CIT: variants seen among roughly 807,000 people sequenced by gnomAD.
CIT encodes the protein citron Rho-interacting kinase.
A neutral mutation model predicts 272.7 loss-of-function variants in CIT; 79 were observed. The ratio of observed to expected loss-of-function variants is 0.29; its 90% CI spans 0.24 to 0.35. The LOEUF (loss-of-function observed/expected upper bound fraction) is 0.35. CIT is among the 10% of genes least tolerant of loss of function. The pLI is 1.00. For missense variants in CIT, 1,909 were observed against 2,618.3 expected, an observed-to-expected ratio of 0.73 and a Z score of 5.91; for synonymous variants, 948 against 995.6, an observed-to-expected ratio of 0.95 and a Z score of 0.90.
chr12:119,837,247 C>T (rs767202040), intron 5 of CIT, among the ~76,000 whole-genome samples: 11 of 152,158 alleles, frequency 7.2e-5, no homozygotes, highest in Non-Finnish European at 1.6e-4. Flanking sequence ...AAGATGTTAC[C>T]CATATCCCAA....
chr12:119,814,578 A>C (rs1966966979), intron 9 of CIT, among the ~76,000 whole-genome samples: 1 of 152,256 alleles, frequency 6.6e-6, no homozygotes, highest in East Asian at 1.9e-4. Context: ...GTGAGTGTCC[A>C]AAAGGAAGAC....
chr12:119,750,969 T>G (rs1253780121), intron 23 of CIT, among the ~76,000 whole-genome samples: 1 of 151,906 alleles, frequency 6.6e-6, no homozygotes, highest in African/African-American at 2.4e-5. Context: ...CCTATTTAGG[T>G]GGCTTATTAA....
intron 21 of CIT, among the ~76,000 whole-genome samples, chr12:119,758,028 G>A (rs1449066274): frequency 1.3e-5 from 2 of 152,098 alleles, no homozygotes; most frequent in East Asian, 1.9e-4. Context: ...AACCTAGAAC[G>A]ACTCAAAGAC....
intron 32 of CIT, among the ~76,000 whole-genome samples, chr12:119,715,169 C>T (rs373482419): frequency 5.9e-5 from 9 of 152,186 alleles, no homozygotes; most frequent in East Asian, 1.9e-4. Context: ...ATGCCTTTTG[C>T]CTTCCACCAT....
At chr12:119,814,533 C>A (rs1288315613) in intron 9 of CIT, among the ~76,000 whole-genome samples, 5 of 152,168 alleles carry the variant, frequency 3.3e-5, no homozygotes, top group Non-Finnish European at 7.3e-5. Context: ...ACAGACCCAA[C>A]TCCTCTTCCT....
intron 30 of CIT, among the ~76,000 whole-genome samples, chr12:119,719,982 T>C (rs1957743920): frequency 6.6e-6 from 1 of 152,194 alleles, no homozygotes; most frequent in Non-Finnish European, 1.5e-5. Context: ...AGTCAGACAC[T>C]TCAGGCAGGT....
Position 119,784,644 on chromosome 12 carries a change from G to A in CIT, c.1401+316C>T. ...GACTTCGCATCACTCAAAGCAGATG[G>A]GATGTATCTCAGCCACAGGTGAGGA... is the stretch of plus-strand genomic sequence containing the variant. On this transcript the variant is annotated intron_variant, in intron 11 of 47. Transcript: ENST00000392521. This position sits in a 1 kb window ranked among gnomAD's most constrained non-coding sequence, Gnocchi z 4.7. 7 of 1,246,720 alleles carry A rather than the reference G, an allele frequency of 5.6e-6. No individual in the cohort carries two copies. The highest frequency in any genetic ancestry group is 7.1e-6 in the Non-Finnish European group (7 of 989,770). 77.2% of individuals were successfully genotyped at this position (1,246,720 alleles called of 1,614,324 possible).
chr12:119,725,815 GA>G (rs1293954914), intron 28 of CIT, among the ~76,000 whole-genome samples: 1 of 152,234 alleles, frequency 6.6e-6, no homozygotes, highest in African/African-American at 2.4e-5. Context: ...CTCTCAGAAG[GA>G]AAATAGGACA....
At position 119,849,284 on chromosome 12, in the gene CIT, G is replaced by C. The variant is rs1450294053; in HGVS notation, c.516+890C>G. 2.0e-5 allele frequency among the ~76,000 whole-genome samples: 3 copies of C among 152,186 alleles called. No homozygotes were observed. The East Asian group carries it at 5.9e-4, about 30-fold the overall frequency. On this transcript the variant is annotated intron_variant, in intron 5 of 47. Transcript: ENST00000392521. ...TCTACTAAAAATACAAAAATTAGTT[G>C]GGCGTGGTGACACGTGCCTGTAATC...
intron 32 of CIT, among the ~76,000 whole-genome samples, chr12:119,716,182 AGCCT>A (rs1352131410): frequency 6.6e-6 from 1 of 152,066 alleles, no homozygotes; most frequent in Non-Finnish European, 1.5e-5. Context: ...GTTCAAGACC[AGCCT>A]GGCCAACATG....
chr12:119,857,468 G>A (rs527349555), intron 4 of CIT, 55 bp downstream of exon 4: 2 of 1,567,420 alleles, frequency 1.3e-6, no homozygotes, highest in Admixed American at 3.4e-5. Flanking sequence ...TATCGTCTTT[G>A]CAATGAACAC....
At position 119,690,079 on chromosome 12, in the gene CIT, G is replaced by C; in HGVS notation, c.6186+72C>G. 1 of 1,352,640 alleles carries C rather than the reference G, an allele frequency of 7.4e-7. No individual in the cohort carries two copies. The highest frequency in any genetic ancestry group is 9.6e-7 in the Non-Finnish European group (1 of 1,043,208). The allele number at this position is 1,352,640 out of a possible 1,614,324, so 83.8% of individuals were successfully genotyped here. A position where few individuals can be genotyped will look rare whatever the true frequency, so the allele number is the denominator to read the frequency against. On this transcript the variant is annotated intron_variant, in intron 47 of 47. Transcript: ENST00000392521. The surrounding 1 kb of genome is among the most constrained non-coding windows in gnomAD (Gnocchi z 6.0). ...TCCTTTTTTAAACAACAGTGGCCCC[G>C]TGGGGGCCTCAGTTCCCCAAGTCAC...
chr12:119,761,119 G>A, intron 19 of CIT, 64 bp from the exon 20 acceptor site: 1 of 1,160,492 alleles, frequency 8.6e-7, no homozygotes. Flanking sequence ...AGACTAAACG[G>A]GGACACTTGA....
intron 10 of CIT, among the ~76,000 whole-genome samples, chr12:119,791,769 A>T (rs974634619): frequency 1.3e-5 from 2 of 152,172 alleles, no homozygotes; most frequent in African/African-American, 4.8e-5. Context: ...TTACTCTGAA[A>T]TCAACATCTC....
intron 13 of CIT, 96 bp downstream of exon 13, chr12:119,782,422 C>G: frequency 7.0e-7 from 1 of 1,427,248 alleles, no homozygotes; most frequent in Non-Finnish European, 9.6e-7. Context: ...TTCTCTCTCT[C>G]CCTTTCTTCC....
Position 119,795,349 on chromosome 12 carries a change from C to T in CIT, c.1295+7857G>A, listed in dbSNP as rs203347. Among the ~76,000 whole-genome samples, 1,263 of 152,168 alleles carry T rather than the reference C, an allele frequency of 8.3e-3. 18 individuals carry two copies. The highest frequency in any genetic ancestry group is 0.029 in the African/African-American group (1,198 of 41,510). On this transcript the variant is annotated intron_variant, in intron 10 of 47. Transcript: ENST00000392521. Reference sequence around the variant, plus strand: ...TTGCAATAAGCTGAGATTGTGTCACCGTACTCCAGCGTGGGCAACAGAATG... The same window carrying T: ...TTGCAATAAGCTGAGATTGTGTCACTGTACTCCAGCGTGGGCAACAGAATG...
Position 119,713,323 on chromosome 12 carries a change from T to A in CIT, c.4488-29A>T, listed in dbSNP as rs375140625. The A allele has an allele frequency of 6.2e-7, 1 of 1,607,002 alleles. No individual in the cohort carries two copies. Among genetic ancestry groups the A allele is most frequent in the East Asian group, 2.2e-5 (1 of 44,824 alleles). On this transcript the variant is annotated intron_variant, in intron 34 of 47. Transcript: ENST00000392521. This position sits in a 1 kb window ranked among gnomAD's most constrained non-coding sequence, Gnocchi z 5.2. ...GGGAAAGAAAGATGGAAAAGAAAAA[T>A]GTCTGAACTCAGAAGAAACATCCGG...
intron 33 of CIT, 26 bp downstream of exon 33, chr12:119,714,171 C>A: frequency 1.2e-6 from 2 of 1,613,390 alleles, no homozygotes. Context: ...AGGTGCCCAG[C>A]ACAGATGCAC....
intron 32 of CIT, among the ~76,000 whole-genome samples, chr12:119,715,686 C>T (rs900191218): frequency 6.6e-5 from 10 of 152,190 alleles, no homozygotes; most frequent in African/African-American, 1.7e-4. Flanking sequence ...GCGAACTGTA[C>T]GGTATGCAAA....
Sources: allele counts gnomAD v4.1 joint callset (sites outside exome capture counted in the v4.1 genomes callset), GRCh38; gene constraint gnomAD v4.1.1; non-coding constraint Gnocchi (gnomAD v3.1); transcripts MANE v1.5; gene names NCBI Gene and HGNC (gene_info 2026-07-23, HGNC 2026-07-21).